The following OPCML variants were observed in gnomAD, a reference collection of about 807,000 sequenced individuals.
OPCML encodes the protein opioid-binding protein/cell adhesion molecule.
In OPCML, 13 loss-of-function variants were observed where a neutral mutation model predicts 37.8. That is an observed-to-expected ratio of 0.34 (90% CI 0.22 to 0.55). The LOEUF is 0.55. OPCML is among the 20% of genes least tolerant of loss of function. OPCML has a pLI of 0.91. For synonymous variants in OPCML, 176 were observed against 168.8 expected (o/e 1.04, Z -0.33); for missense variants, 341 against 435.6 (o/e 0.78, Z 1.93).
At chr11:133,217,273 C>G (rs939988740) in intron 1 of OPCML, among the ~76,000 whole-genome samples, 1 of 152,204 alleles carries the variant, frequency 6.6e-6, no homozygotes, top group Non-Finnish European at 1.5e-5. Context: ...AAACAAAGCA[C>G]CCACTGGCAC....
intron 2 of OPCML, among the ~76,000 whole-genome samples, chr11:132,698,509 G>A (rs1450381800): frequency 6.6e-6 from 1 of 152,050 alleles, no homozygotes; most frequent in African/African-American, 2.4e-5. Flanking sequence ...TCATTAAGTT[G>A]AGTTTGTATA....
At chr11:133,531,585 G>A (rs1051719457) in intron 1 of OPCML, among the ~76,000 whole-genome samples, 15 of 152,248 alleles carry the variant, frequency 9.9e-5, no homozygotes, top group Middle Eastern at 6.8e-3. Flanking sequence ...AAGAAAGGAC[G>A]GCAGGCAGTA....
At position 133,218,184 on chromosome 11, in the gene OPCML, G is replaced by A. The variant is rs1373374314; in HGVS notation, c.62-275174C>T. On this transcript the variant is annotated intron_variant, in intron 1 of 7. Transcript: ENST00000524381. The stretch of plus-strand genomic sequence containing the variant: ...GATTGCTGGTTGAGAATAAATCATG[G>A]AGAGTTCCAGGCTTGGTGTAATCCA... Among the ~76,000 whole-genome samples the A allele has an allele frequency of 3.3e-5, 5 of 152,122 alleles. No individual in the cohort carries two copies. The East Asian group carries it at 7.7e-4, about 23-fold the overall frequency.
At chr11:133,214,031 G>A (rs997787243) in intron 1 of OPCML, among the ~76,000 whole-genome samples, 5 of 152,010 alleles carry the variant, frequency 3.3e-5, no homozygotes, top group Non-Finnish European at 5.9e-5. Context: ...GTACTCAATG[G>A]CATAACAATA....
chr11:132,478,734 G>A (rs920878601), intron 4 of OPCML, among the ~76,000 whole-genome samples: 6 of 152,120 alleles, frequency 3.9e-5, no homozygotes, highest in African/African-American at 1.2e-4. Context: ...AAGTTTGTTT[G>A]TGGTCATTCT....
At chr11:133,333,504 T>A (rs1479984371) in intron 1 of OPCML, among the ~76,000 whole-genome samples, 1 of 152,158 alleles carries the variant, frequency 6.6e-6, no homozygotes, top group Non-Finnish European at 1.5e-5. Flanking sequence ...CAAGATGAAT[T>A]AAAGGCTTAC....
chr11:133,110,741 C>G lies in OPCML; in HGVS notation c.62-167731G>C, dbSNP rs192127806. ...ATCTATGGGATTCTTTTTCCTACCCCCAAACTTCCCTCCTAGATATAAGAG... is the reference window on the plus strand; with the variant it reads ...ATCTATGGGATTCTTTTTCCTACCCGCAAACTTCCCTCCTAGATATAAGAG... On this transcript the variant is annotated intron_variant, in intron 1 of 7. Coordinates refer to ENST00000524381, the MANE Select transcript of OPCML (RefSeq NM_001012393.5). 3.1e-3 allele frequency among the ~76,000 whole-genome samples: 467 copies of G among 152,254 alleles called. 2 individuals carry two copies. The highest frequency in any genetic ancestry group is 4.8e-3 in the Admixed American group (74 of 15,288).
At chr11:132,814,114 C>T (rs1939496548) in intron 2 of OPCML, among the ~76,000 whole-genome samples, 1 of 152,174 alleles carries the variant, frequency 6.6e-6, no homozygotes, top group Non-Finnish European at 1.5e-5. Context: ...CTTCCAAGTT[C>T]ACAGGTTTCT....
intron 3 of OPCML, among the ~76,000 whole-genome samples, chr11:132,655,675 G>T (rs776456957): frequency 6.6e-6 from 1 of 152,196 alleles, no homozygotes; most frequent in Non-Finnish European, 1.5e-5. Context: ...CTGGGGAACA[G>T]CAGTGACAGC....
chr11:133,207,765 G>A (rs1020557547), intron 1 of OPCML, among the ~76,000 whole-genome samples: 2 of 152,132 alleles, frequency 1.3e-5, no homozygotes, highest in Admixed American at 6.5e-5. Flanking sequence ...AATGCTATTT[G>A]GCAGCCCAGG....
chr11:132,795,428 T>C (rs1294538764), intron 2 of OPCML, among the ~76,000 whole-genome samples: 1 of 152,200 alleles, frequency 6.6e-6, no homozygotes, highest in African/African-American at 2.4e-5. Context: ...CACAGAAGTA[T>C]ACACCCATTG....
At chr11:132,712,166 A>G (rs1371676491) in intron 2 of OPCML, among the ~76,000 whole-genome samples, 1 of 152,204 alleles carries the variant, frequency 6.6e-6, no homozygotes, top group African/African-American at 2.4e-5. Flanking sequence ...ACTGCAGAAA[A>G]TGAGATTGGA....
intron 1 of OPCML, among the ~76,000 whole-genome samples, chr11:133,194,073 T>C (rs145105353): frequency 5.3e-5 from 8 of 152,270 alleles, no homozygotes; most frequent in African/African-American, 1.4e-4. Flanking sequence ...AGAAAGAATG[T>C]TGCCTAGTTG....
chr11:133,286,326 C>T (rs1266470396), intron 1 of OPCML, among the ~76,000 whole-genome samples: 3 of 151,614 alleles, frequency 2.0e-5, no homozygotes, highest in Non-Finnish European at 4.4e-5. Flanking sequence ...ATAAATAAGC[C>T]GGGCGTGGTG....
chr11:132,724,031 T>C (rs1262380819), intron 2 of OPCML, among the ~76,000 whole-genome samples: 1 of 152,030 alleles, frequency 6.6e-6, no homozygotes, highest in Non-Finnish European at 1.5e-5. Context: ...TGGTGTGAAA[T>C]AGCTGAGCAG....
chr11:132,705,001 CATTTTG>C (rs1565790671), intron 2 of OPCML, among the ~76,000 whole-genome samples: 6 of 152,194 alleles, frequency 3.9e-5, no homozygotes, highest in Admixed American at 3.3e-4. Flanking sequence ...TGCTGAGTTC[CATTTTG>C]TAAATGTTGA....
Position 133,260,573 on chromosome 11 carries a change from A to G in OPCML, c.61+271691T>C, listed in dbSNP as rs115089470. ...AGATCTAAGATCTAACTTTTTTTCA[A>G]GAAAAAATCTGCAGTGGAACAGCAG... On this transcript the variant is annotated intron_variant, in intron 1 of 7. Coordinates refer to ENST00000524381, the MANE Select transcript of OPCML (RefSeq NM_001012393.5). Among the ~76,000 whole-genome samples the G allele has an allele frequency of 2.9e-3, 448 of 152,258 alleles. 2 individuals are homozygous for G. Among genetic ancestry groups the G allele is most frequent in the African/African-American group, 0.011 (437 of 41,568 alleles).
chr11:133,286,618 C>T (rs1278339430), intron 1 of OPCML, among the ~76,000 whole-genome samples: 1 of 152,132 alleles, frequency 6.6e-6, no homozygotes, highest in Admixed American at 6.5e-5. Context: ...GCAGTGGCCT[C>T]GGCGGCCTTG....
At chr11:133,247,240 T>C (rs1940955706) in intron 1 of OPCML, among the ~76,000 whole-genome samples, 1 of 152,118 alleles carries the variant, frequency 6.6e-6, no homozygotes, top group Non-Finnish European at 1.5e-5. Flanking sequence ...TGAGGGAAAC[T>C]GAATAGGAAA....
Sources: allele counts gnomAD v4.1 joint callset (sites outside exome capture counted in the v4.1 genomes callset), GRCh38; gene constraint gnomAD v4.1.1; transcripts MANE v1.5; gene names NCBI Gene and HGNC (gene_info 2026-07-23, HGNC 2026-07-21).